WAPL: variants seen among roughly 807,000 people sequenced by gnomAD.
WAPL encodes the protein wings apart-like protein homolog.
A neutral mutation model predicts 121.0 loss-of-function variants in WAPL; 5 were observed. The ratio of observed to expected loss-of-function variants is 0.04; its 90% confidence interval spans 0.02 to 0.09. The LOEUF is 0.09. Ranked by LOEUF, WAPL falls within the 10% of genes least tolerant of loss-of-function variation. WAPL has a pLI of 1.00. For synonymous variants in WAPL, 480 were observed against 481.5 expected (o/e 1.00, Z 0.04); for missense variants, 999 against 1,410.8 (o/e 0.71, Z 4.68).
intron 1 of WAPL, 56 bp from the exon 2 acceptor site, chr10:86,518,147 G>T: frequency 6.7e-7 from 1 of 1,483,244 alleles, no homozygotes; most frequent in Non-Finnish European, 9.0e-7. Context: ...GTTAAACAGT[G>T]CATATAAAAA....
intron 15 of WAPL, among the ~76,000 whole-genome samples, chr10:86,447,531 C>T (rs1849653318): frequency 6.6e-6 from 1 of 151,976 alleles, no homozygotes; most frequent in African/African-American, 2.4e-5. Flanking sequence ...ATACCAAAAA[C>T]ATCCAGGAAC....
At chr10:86,478,338 AG>A (rs1173433383) in intron 4 of WAPL, among the ~76,000 whole-genome samples, 2 of 152,012 alleles carry the variant, frequency 1.3e-5, no homozygotes, top group Non-Finnish European at 1.5e-5. Context: ...CTGAGGTGGG[AG>A]GATCACCTCC....
intron 14 of WAPL, among the ~76,000 whole-genome samples, chr10:86,452,616 C>CA (rs202162889): frequency 0.013 from 2,014 of 151,590 alleles, 53 homozygotes; most frequent in African/African-American, 0.046. Context: ...AAAAAAAGAA[C>CA]AAAAAAAACA....
rs963788796 is a variant in WAPL, at chr10:86,460,216, T to C, written c.2580+183A>G. On this transcript the variant is annotated intron_variant, in intron 11 of 18. Transcript: ENST00000298767. Reference sequence around the variant, plus strand: ...AGCAATAATACATGTACTCTTAAAATATAAAACTACTCATTTAGCTTGTTT... The same window carrying C: ...AGCAATAATACATGTACTCTTAAAACATAAAACTACTCATTTAGCTTGTTT... Among the ~76,000 whole-genome samples, 4 of 152,210 alleles carry C rather than the reference T, an allele frequency of 2.6e-5. No individual in the cohort carries two copies. The East Asian group carries it at 7.7e-4, about 29-fold the overall frequency.
chr10:86,447,868 A>C (rs1173768956), intron 15 of WAPL, among the ~76,000 whole-genome samples: 1 of 151,758 alleles, frequency 6.6e-6, no homozygotes, highest in Non-Finnish European at 1.5e-5. Context: ...CGGCAAACAC[A>C]GTGAAACCAC....
At chr10:86,509,047 T>C (rs1221891150) in intron 2 of WAPL, among the ~76,000 whole-genome samples, 4 of 152,206 alleles carry the variant, frequency 2.6e-5, no homozygotes, top group African/African-American at 7.2e-5. Context: ...CCGGCCAGTA[T>C]TGGAAGTCCT....
chr10:86,497,128 C>G (rs1842164740), intron 4 of WAPL, 73 bp downstream of exon 4: 3 of 1,253,272 alleles, frequency 2.4e-6, no homozygotes, highest in Non-Finnish European at 3.4e-6. Context: ...TAGTAACTTT[C>G]AAATAAAAAA....
At chr10:86,465,272 A>C in intron 9 of WAPL, among the ~76,000 whole-genome samples, 1 of 151,952 alleles carries the variant, frequency 6.6e-6, no homozygotes, top group East Asian at 1.9e-4. Flanking sequence ...CGGCTCACTG[A>C]AACCTCCGCC....
At chr10:86,453,008 T>C (rs1841027650) in intron 14 of WAPL, among the ~76,000 whole-genome samples, 1 of 86,054 alleles carries the variant, frequency 1.2e-5, no homozygotes, top group Non-Finnish European at 2.0e-5. Context: ...CACTGTAGAC[T>C]CCATCTCCCA....
At chr10:86,476,014 C>A (rs774720508) in intron 4 of WAPL, among the ~76,000 whole-genome samples, 2 of 152,192 alleles carry the variant, frequency 1.3e-5, no homozygotes, top group Non-Finnish European at 2.9e-5. Context: ...AAGATCCTGT[C>A]TCTACAAAAA....
chr10:86,441,650 T>C (rs1048814875), intron 17 of WAPL, among the ~76,000 whole-genome samples: 1 of 150,732 alleles, frequency 6.6e-6, no homozygotes, highest in African/African-American at 2.4e-5. Context: ...CACCTAGCTG[T>C]AGTCAGCACG....
chr10:86,456,404 C>CAAA lies in WAPL; in HGVS notation c.2658-2576_2658-2574dup, dbSNP rs200771344. Among the ~76,000 whole-genome samples, 854 of 117,726 alleles carry CAAA rather than the reference C, an allele frequency of 7.3e-3. 10 individuals are homozygous for CAAA. Among genetic ancestry groups the CAAA allele is most frequent in the Middle Eastern group, 0.023 (5 of 214 alleles). 77.2% of individuals were successfully genotyped at this position (117,726 alleles called of 152,430 possible). ...TGTGTCATTAAAAACTTTATGATACCAAAAAAAAAAAAAAAGGATTCTCAA... is the reference window on the plus strand; with the variant it reads ...TGTGTCATTAAAAACTTTATGATACCAAAAAAAAAAAAAAAAAAGGATTCTCAA... On this transcript the variant is annotated intron_variant, in intron 12 of 18. Transcript: ENST00000298767.
intron 2 of WAPL, among the ~76,000 whole-genome samples, chr10:86,512,859 T>A (rs1479630367): frequency 1.3e-5 from 2 of 152,078 alleles, no homozygotes; most frequent in African/African-American, 2.4e-5. Context: ...AGGTTTTTTT[T>A]TACCATTCTA....
At chr10:86,508,392 A>G (rs1175954457) in intron 2 of WAPL, among the ~76,000 whole-genome samples, 1 of 152,110 alleles carries the variant, frequency 6.6e-6, no homozygotes, top group Non-Finnish European at 1.5e-5. Flanking sequence ...CCTTCTTCCA[A>G]AACGGTTCTC....
At chr10:86,439,670 C>T (rs58771953) in intron 17 of WAPL, among the ~76,000 whole-genome samples, 2,262 of 152,326 alleles carry the variant, frequency 0.015, 57 homozygotes, top group African/African-American at 0.051. Flanking sequence ...GGTCTTGCAA[C>T]ACTAAACAGT....
chr10:86,462,809 C>T (rs1841316421), intron 9 of WAPL, among the ~76,000 whole-genome samples: 1 of 151,766 alleles, frequency 6.6e-6, no homozygotes, highest in South Asian at 2.1e-4. Flanking sequence ...ACAATTGTGC[C>T]CATTTTTCAT....
Position 86,472,393 on chromosome 10 carries a change from T to C in WAPL, c.1894-49A>G, listed in dbSNP as rs748155170. 6.3e-7 allele frequency: 1 copy of C among 1,575,592 alleles called. No individual in the cohort carries two copies. Among genetic ancestry groups the C allele is most frequent in the South Asian group, 1.2e-5 (1 of 83,538 alleles). The stretch of plus-strand genomic sequence containing the variant: ...CCCTTTTTAACTAGGAACTAGCATA[T>C]TTAAATCTATGGGCTCACTGTACTT... On this transcript the variant is annotated intron_variant, in intron 6 of 18. Coordinates refer to ENST00000298767, the MANE Select transcript of WAPL (RefSeq NM_015045.5). This position sits in a 1 kb window ranked among gnomAD's most constrained non-coding sequence, Gnocchi z 4.2.
intron 11 of WAPL, among the ~76,000 whole-genome samples, chr10:86,459,700 CAAAT>C (rs1229449122): frequency 6.6e-6 from 1 of 152,142 alleles, no homozygotes; most frequent in Non-Finnish European, 1.5e-5. Context: ...CAATCTGACT[CAAAT>C]AAAAGTCAAA....
intron 2 of WAPL, among the ~76,000 whole-genome samples, chr10:86,513,290 T>C (rs572933812): frequency 6.6e-6 from 1 of 151,992 alleles, no homozygotes; most frequent in Non-Finnish European, 1.5e-5. Context: ...GTATGTTTTA[T>C]AGTGACCTCA....
Sources: gnomAD v4.1 joint callset for allele counts (sites outside exome capture counted in the v4.1 genomes callset) on GRCh38, gnomAD v4.1.1 for gene constraint, Gnocchi (gnomAD v3.1) non-coding constraint, MANE v1.5 for transcripts, NCBI Gene and HGNC (gene_info 2026-07-23, HGNC 2026-07-21) for gene names.